AIG1: variants seen among roughly 807,000 people sequenced by gnomAD.
The protein encoded by AIG1 is androgen-induced gene 1 protein.
Under a neutral mutation model 31.4 loss-of-function variants are expected in AIG1, and 23 were observed. The ratio of observed to expected loss-of-function variants is 0.73; its 90% CI spans 0.53 to 1.04. The LOEUF (loss-of-function observed/expected upper bound fraction) is 1.04, where lower values mean the gene tolerates loss of function less well. Ranked by LOEUF, AIG1 falls within the 50% of genes least tolerant of loss-of-function variation. The pLI is 0.00. For synonymous variants in AIG1, 100 were observed against 110.5 expected (o/e 0.90, Z 0.60); for missense variants, 274 against 295.0 (o/e 0.93, Z 0.52).
intron 2 of AIG1, among the ~76,000 whole-genome samples, chr6:143,141,088 A>G (rs550844049): frequency 1.3e-5 from 2 of 152,230 alleles, no homozygotes; most frequent in Non-Finnish European, 2.9e-5. Context: ...TTCATGGTGC[A>G]GGCAAATGGC....
chr6:143,237,944 A>T lies in AIG1; in HGVS notation c.400-46166A>T, dbSNP rs544722560. On this transcript the variant is annotated intron_variant, in intron 3 of 5. Coordinates refer to ENST00000357847, the MANE Select transcript of AIG1 (RefSeq NM_016108.4). Reference sequence around the variant, plus strand: ...AAAGACCCATTTTATTTATTTATTTATTTTTTATTTTTTTGAGATGGAATC... The same window carrying T: ...AAAGACCCATTTTATTTATTTATTTTTTTTTTATTTTTTTGAGATGGAATC... Among the ~76,000 whole-genome samples, 27 of 152,012 alleles carry T rather than the reference A, an allele frequency of 1.8e-4. No homozygotes were observed. In the East Asian group the frequency reaches 3.1e-3, roughly 17 times the overall value.
chr6:143,180,141 A>C (rs1295020929), intron 3 of AIG1, among the ~76,000 whole-genome samples: 4 of 152,266 alleles, frequency 2.6e-5, no homozygotes, highest in African/African-American at 9.6e-5. Context: ...GCAGGTGGCC[A>C]TGGACAGTTG....
In AIG1 at chr6:143,327,266, CCTGG is replaced by C. The variant is rs879741425; in HGVS notation, c.516-6014_516-6011del. On this transcript the variant is annotated intron_variant, in intron 4 of 5. Transcript: ENST00000357847. This position sits in a 1 kb window ranked among gnomAD's most constrained non-coding sequence, Gnocchi z 5.3. Reference sequence around the variant, plus strand: ...CTACACTCTTCCTTTCCAACTTGGGCCTGGCAGAATGGTTCTCACAAAGAAGGAT... The same window carrying C: ...CTACACTCTTCCTTTCCAACTTGGGCCAGAATGGTTCTCACAAAGAAGGAT... 6.6e-3 allele frequency: 1,343 copies of C among 204,726 alleles called. 34 individuals are homozygous for C. The highest frequency in any genetic ancestry group is 0.048 in the Admixed American group (796 of 16,722). 12.7% of individuals were successfully genotyped at this position (204,726 alleles called of 1,614,324 possible). A position where few individuals can be genotyped will look rare whatever the true frequency, so the allele number is the denominator to read the frequency against.
At position 143,138,491 on chromosome 6, in the gene AIG1, T is replaced by TA. The variant is rs1416699642; in HGVS notation, c.297+1502dup. 4.3e-4 allele frequency among the ~76,000 whole-genome samples: 65 copies of TA among 152,174 alleles called. 1 individual carries two copies. Among genetic ancestry groups the TA allele is most frequent in the African/African-American group, 1.6e-3 (65 of 41,442 alleles). On this transcript the variant is annotated intron_variant, in intron 2 of 5. Transcript: ENST00000357847. ...CTAATATATGCATGTATATTATATA[T>TA]ATCATGTATACATTTTTTCTTTTTT...
intron 2 of AIG1, among the ~76,000 whole-genome samples, chr6:143,141,268 A>G (rs185661039): frequency 1.5e-4 from 23 of 152,300 alleles, no homozygotes; most frequent in Middle Eastern, 3.4e-3. Flanking sequence ...CATGGCAGCA[A>G]GAAAGACATG....
intron 2 of AIG1, among the ~76,000 whole-genome samples, chr6:143,160,022 TAG>T (rs928835177): frequency 6.6e-6 from 1 of 152,210 alleles, no homozygotes; most frequent in Admixed American, 6.5e-5. Flanking sequence ...CAGTATTTGG[TAG>T]AGTCTGAGTA....
At chr6:143,228,340 T>C (rs1247074365) in intron 3 of AIG1, among the ~76,000 whole-genome samples, 1 of 152,236 alleles carries the variant, frequency 6.6e-6, no homozygotes, top group Non-Finnish European at 1.5e-5. Flanking sequence ...CGCCCACCTC[T>C]GACCAGTCAG....
Position 143,293,249 on chromosome 6 carries a change from G to A in AIG1, c.515+9024G>A, listed in dbSNP as rs1798178774. Among the ~76,000 whole-genome samples the A allele has an allele frequency of 1.3e-5, 2 of 151,692 alleles. No homozygotes were observed. Among genetic ancestry groups the A allele is most frequent in the Admixed American group, 6.6e-5 (1 of 15,246 alleles). On this transcript the variant is annotated intron_variant, in intron 4 of 5. Transcript: ENST00000357847. This position sits in a 1 kb window ranked among gnomAD's most constrained non-coding sequence, Gnocchi z 4.8. ...TTATTTTATTTTCATTTTATCCTCT[G>A]TTCTTCATACGGGCTTTGGTCCTAC... is the stretch of plus-strand genomic sequence containing the variant.
intron 3 of AIG1, among the ~76,000 whole-genome samples, chr6:143,260,309 C>T (rs755026816): frequency 1.2e-4 from 19 of 152,192 alleles, no homozygotes; most frequent in East Asian, 5.8e-4. Context: ...CATGAGCCAC[C>T]GCATCTGGCG....
intron 2 of AIG1, among the ~76,000 whole-genome samples, chr6:143,157,437 CT>C (rs1179158846): frequency 0.011 from 1,418 of 132,584 alleles, 23 homozygotes; most frequent in African/African-American, 0.039. Flanking sequence ...TTCCTCTCTT[CT>C]TTTTTTTTTT....
chr6:143,249,210 C>T (rs1329124882), intron 3 of AIG1, among the ~76,000 whole-genome samples: 1 of 152,174 alleles, frequency 6.6e-6, no homozygotes, highest in Non-Finnish European at 1.5e-5. Context: ...ATAGAGTTGT[C>T]CTTTGACTTG....
chr6:143,103,067 G>A (rs536867544), intron 1 of AIG1, among the ~76,000 whole-genome samples: 20 of 152,090 alleles, frequency 1.3e-4, no homozygotes, highest in Non-Finnish European at 2.5e-4. Context: ...CAGAACAAAG[G>A]CAATGAAGGA....
At chr6:143,144,866 A>G (rs1379983320) in intron 2 of AIG1, among the ~76,000 whole-genome samples, 1 of 152,212 alleles carries the variant, frequency 6.6e-6, no homozygotes, top group Non-Finnish European at 1.5e-5. Flanking sequence ...TGTTTCATTT[A>G]CTGCTTTATC....
intron 1 of AIG1, among the ~76,000 whole-genome samples, chr6:143,087,264 G>T (rs6906195): frequency 6.6e-6 from 1 of 151,992 alleles, no homozygotes; most frequent in Non-Finnish European, 1.5e-5. Context: ...TGCTCCCAAG[G>T]TGGTGGCAAG....
chr6:143,100,213 A>G (rs1372881370), intron 1 of AIG1, among the ~76,000 whole-genome samples: 2 of 152,138 alleles, frequency 1.3e-5, no homozygotes, highest in African/African-American at 2.4e-5. Context: ...TTTCTACTCT[A>G]TTCTTACTGC....
At chr6:143,306,698 G>T (rs1799338008) in intron 4 of AIG1, among the ~76,000 whole-genome samples, 1 of 151,744 alleles carries the variant, frequency 6.6e-6, no homozygotes, top group Non-Finnish European at 1.5e-5. Flanking sequence ...CTCTTCTCGA[G>T]GAGTATCTTT....
At chr6:143,131,404 T>C (rs996985221) in intron 1 of AIG1, among the ~76,000 whole-genome samples, 1 of 152,220 alleles carries the variant, frequency 6.6e-6, no homozygotes, top group Non-Finnish European at 1.5e-5. Flanking sequence ...CCTTTCATTG[T>C]GTTATGATAT....
chr6:143,323,295 C>A (rs1039641621), intron 4 of AIG1, among the ~76,000 whole-genome samples: 1 of 152,132 alleles, frequency 6.6e-6, no homozygotes, highest in Non-Finnish European at 1.5e-5. Flanking sequence ...CAAGTGTGAT[C>A]CCCTTCTGAG....
At chr6:143,246,272 A>G (rs1583613620) in intron 3 of AIG1, among the ~76,000 whole-genome samples, 2 of 38,398 alleles carry the variant, frequency 5.2e-5, no homozygotes, top group African/African-American at 1.2e-4. Context: ...GGCAATTTAC[A>G]AAAAAAAAAA....
Sources: gnomAD v4.1 joint callset for allele counts (sites outside exome capture counted in the v4.1 genomes callset) on GRCh38, gnomAD v4.1.1 for gene constraint, Gnocchi (gnomAD v3.1) non-coding constraint, MANE v1.5 for transcripts, NCBI Gene and HGNC (gene_info 2026-07-23, HGNC 2026-07-21) for gene names.